TGM6: variants seen among roughly 807,000 people sequenced by gnomAD.
TGM6 encodes the protein transglutaminase 6.
TGM6 carries 74 observed loss-of-function variants against 77.5 expected under a neutral mutation model. That is an observed-to-expected ratio of 0.96 (90% CI 0.79 to 1.16). TGM6 has a LOEUF of 1.16. Ranked by LOEUF, TGM6 falls within the 50% of genes most tolerant of loss-of-function variation. The pLI is 0.00. For synonymous variants in TGM6, 383 were observed against 378.9 expected (o/e 1.01, Z -0.12); for missense variants, 968 against 940.2 (o/e 1.03, Z -0.39).
At chr20:2,388,833 G>A (rs1458017583) in intron 1 of TGM6, among the ~76,000 whole-genome samples, 1 of 152,302 alleles carries the variant, frequency 6.6e-6, no homozygotes, top group East Asian at 1.9e-4. Context: ...TTTCCTGTAT[G>A]CTTGGCATCA....
At chr20:2,413,785 C>T (rs1208839748) in intron 9 of TGM6, among the ~76,000 whole-genome samples, 1 of 152,122 alleles carries the variant, frequency 6.6e-6, no homozygotes, top group Non-Finnish European at 1.5e-5. Context: ...AGAGCTAAAA[C>T]TATAAAACTT....
Position 2,414,955 on chromosome 20 carries a change from G to A in TGM6, c.1337-2277G>A, listed in dbSNP as rs188129506. ...AATTTGGGGGGGGGGGTGAAAAAAC[G>A]TTCTAAAATTAGATTGTGGTGACGG... is the stretch of plus-strand genomic sequence containing the variant. On this transcript the variant is annotated intron_variant, in intron 9 of 12. Transcript: ENST00000202625. 3.4e-5 allele frequency among the ~76,000 whole-genome samples: 5 copies of A among 148,200 alleles called. No homozygotes were observed. In the East Asian group the frequency reaches 6.1e-4, roughly 18 times the overall value.
rs758588626 is a variant in TGM6, at chr20:2,432,609, G to A, written c.2087G>A (p.Gly696Asp). 1.2e-6 allele frequency: 2 copies of A among 1,614,152 alleles called. No individual in the cohort carries two copies. Among genetic ancestry groups the A allele is most frequent in the South Asian group, 2.2e-5 (2 of 91,082 alleles). ...AGCCCTCACTTCCCGGACATCAAGG[G>A]CTTTGTGATCGTCCATGTGGCCACT... ...LVSPHFPDIK[G>D]FVIVHVATAK The change falls in exon 13 of 13, where the codon GGC becomes GAC. Residue 696 changes from glycine to aspartate, a missense_variant. Physicochemically the swap from Gly to Asp is moderately conservative, Grantham distance 94 (BLOSUM62 -1). Transcript: ENST00000202625.
chr20:2,421,816 T>C (rs749634383), intron 10 of TGM6, among the ~76,000 whole-genome samples: 1 of 152,158 alleles, frequency 6.6e-6, no homozygotes, highest in Non-Finnish European at 1.5e-5. Flanking sequence ...CTTTCATGGA[T>C]CATGCCTTTG....
chr20:2,394,847 G>C (rs2084652058), intron 2 of TGM6, among the ~76,000 whole-genome samples: 1 of 152,124 alleles, frequency 6.6e-6, no homozygotes, highest in Admixed American at 6.5e-5. Context: ...GACCTCTCTG[G>C]AACCCTGTGT....
At chr20:2,403,359 C>A (rs1568660647) in intron 7 of TGM6, 38 bp from the exon 8 acceptor site, 2 of 1,611,100 alleles carry the variant, frequency 1.2e-6, no homozygotes, top group Non-Finnish European at 1.7e-6. Flanking sequence ...CCTATGCCCT[C>A]ACTCTAGGCA....
chr20:2,393,150 T>C (rs1190270430), intron 1 of TGM6, among the ~76,000 whole-genome samples: 2 of 152,274 alleles, frequency 1.3e-5, no homozygotes, highest in Non-Finnish European at 2.9e-5. Flanking sequence ...AGCCAAAATC[T>C]ATACTCTGCA....
intron 1 of TGM6, among the ~76,000 whole-genome samples, chr20:2,393,492 G>C (rs2084641764): frequency 6.6e-6 from 1 of 152,160 alleles, no homozygotes; most frequent in South Asian, 2.1e-4. Flanking sequence ...AGCGCTGCTG[G>C]CCACAAGTTC....
chr20:2,389,636 TA>T (rs1371456337), intron 1 of TGM6, among the ~76,000 whole-genome samples: 1 of 152,158 alleles, frequency 6.6e-6, no homozygotes, highest in African/African-American at 2.4e-5. Flanking sequence ...CTCCACTTTT[TA>T]AAAAATTGTA....
rs373331741 is a variant in TGM6 at position 2,403,699 on chromosome 20, G to T, written c.1212G>T (p.Trp404Cys). 10 of 1,614,100 alleles carry T rather than the reference G, an allele frequency of 6.2e-6. No homozygotes were observed. In the African/African-American group the frequency reaches 1.3e-4, roughly 22 times the overall value. Reference protein sequence around the residue: ...EVNADYITWLWHEDESRERVY... With the variant: ...EVNADYITWLCHEDESRERVY... ...ACGCCGACTACATCACCTGGCTGTG[G>T]CACGAGGATGAGAGCCGGGAGCGTG... The change falls in exon 9 of 13, where the codon TGG becomes TGT. Residue 404 changes from tryptophan to cysteine, a missense_variant. Trp to Cys is a radical substitution (Grantham distance 215). Coordinates refer to ENST00000202625, the MANE Select transcript of TGM6 (RefSeq NM_198994.3).
chr20:2,380,939 G>A lies in TGM6; in HGVS notation c.-30G>A. ...CTGACGGTGCACACACTGCTGTGTGGAGGAACAGAGGAGTCCAGCTGGCCT... is the reference window on the plus strand; with the variant it reads ...CTGACGGTGCACACACTGCTGTGTGAAGGAACAGAGGAGTCCAGCTGGCCT... On this transcript the variant is annotated 5_prime_UTR_variant, in exon 1 of 13. Coordinates refer to ENST00000202625, the MANE Select transcript of TGM6 (RefSeq NM_198994.3). 6.2e-7 allele frequency: 1 copy of A among 1,604,412 alleles called. No homozygotes were observed. The highest frequency in any genetic ancestry group is 8.5e-7 in the Non-Finnish European group (1 of 1,177,076).
At chr20:2,391,456 G>A (rs1243210343) in intron 1 of TGM6, among the ~76,000 whole-genome samples, 1 of 151,876 alleles carries the variant, frequency 6.6e-6, no homozygotes, top group Non-Finnish European at 1.5e-5. Context: ...AGGTTGTGGA[G>A]GTAGAGTCTG....
intron 7 of TGM6, among the ~76,000 whole-genome samples, chr20:2,401,953 GAT>G (rs2084712792): frequency 6.6e-6 from 1 of 152,170 alleles, no homozygotes; most frequent in South Asian, 2.1e-4. Context: ...GATTAGGAGA[GAT>G]GGCTGGGCGC....
Position 2,403,659 on chromosome 20 carries a change from T to C in TGM6, c.1172T>C (p.Val391Ala). ...DVHLAHDGPF[V>A]FAEVNADYIT... is the part of the protein sequence containing the mutation. ...CACCTGGCTCACGATGGCCCCTTCG[T>C]GTTTGCGGAGGTCAACGCCGACTAC... Residue 391 changes from valine to alanine, a missense_variant, in exon 9 of 13, where the codon GTG becomes GCG. Val to Ala is a moderately conservative substitution (Grantham distance 64). Coordinates refer to ENST00000202625, the MANE Select transcript of TGM6 (RefSeq NM_198994.3). 1 of 1,614,166 alleles carries C rather than the reference T, an allele frequency of 6.2e-7. No homozygotes were observed. Among genetic ancestry groups the C allele is most frequent in the Admixed American group, 1.7e-5 (1 of 60,016 alleles).
chr20:2,425,711 C>G (rs537278217), intron 10 of TGM6, among the ~76,000 whole-genome samples: 18 of 152,092 alleles, frequency 1.2e-4, no homozygotes, highest in African/African-American at 4.3e-4. Flanking sequence ...TGTCATGGTT[C>G]TTTAAAAAAA....
chr20:2,401,494 C>T (rs1234155541), intron 7 of TGM6, among the ~76,000 whole-genome samples: 1 of 152,212 alleles, frequency 6.6e-6, no homozygotes, highest in African/African-American at 2.4e-5. Context: ...CTTGCTGGAA[C>T]ATTTAACAAT....
intron 7 of TGM6, among the ~76,000 whole-genome samples, chr20:2,401,218 A>AC (rs1338606312): frequency 6.6e-6 from 1 of 151,772 alleles, no homozygotes; most frequent in Admixed American, 6.6e-5. Context: ...AAAAAAAAAA[A>AC]AATTCATTCT....
At chr20:2,407,773 G>A (rs1007278478) in intron 9 of TGM6, among the ~76,000 whole-genome samples, 18 of 152,226 alleles carry the variant, frequency 1.2e-4, no homozygotes, top group African/African-American at 1.9e-4. Flanking sequence ...GCACATCTTC[G>A]CTGAGTGGCC....
In TGM6 at chr20:2,420,224, A is replaced by G. The variant is rs531503398; in HGVS notation, c.1678+2651A>G. 1.7e-3 allele frequency among the ~76,000 whole-genome samples: 260 copies of G among 152,290 alleles called. 1 individual carries two copies. Among genetic ancestry groups the G allele is most frequent in the South Asian group, 0.011 (52 of 4,832 alleles). ...CGCGCCACTGCACTCCAGCCTGGGC[A>G]ACAGAGAGAGACTCTTGTCTAAAAA... On this transcript the variant is annotated intron_variant, in intron 10 of 12. Transcript: ENST00000202625.
Sources: allele counts gnomAD v4.1 joint callset (sites outside exome capture counted in the v4.1 genomes callset), GRCh38; gene constraint gnomAD v4.1.1; transcripts MANE v1.5; gene names NCBI Gene and HGNC (gene_info 2026-07-23, HGNC 2026-07-21).